The following BSN variants were observed in gnomAD, a reference collection of about 807,000 sequenced individuals.
The protein encoded by BSN is bassoon presynaptic cytomatrix protein, also known as protein bassoon.
In BSN, 57 loss-of-function variants were observed where a neutral mutation model predicts 264.8. The observed-to-expected ratio is 0.22, with a 90% confidence interval of 0.17 to 0.27. The LOEUF is 0.27. BSN is among the 10% of genes least tolerant of loss of function. The probability of loss-of-function intolerance (pLI) is 1.00; values close to 1 mark genes in which losing one functional copy is unlikely to be tolerated. For synonymous variants in BSN, 2,059 were observed against 2,137.3 expected (o/e 0.96, Z 1.01); for missense variants, 4,615 against 5,232.5 (o/e 0.88, Z 3.64).
chr3:49,658,228 CA>C (rs1284631044), intron 5 of BSN, 32 bp downstream of exon 5: 21 of 1,506,180 alleles, frequency 1.4e-5, no homozygotes, highest in Non-Finnish European at 1.8e-5. Context: ...CAGGGTGGGA[CA>C]GGGGTCTCTG....
chr3:49,635,971 C>CA (rs869076731), intron 2 of BSN, among the ~76,000 whole-genome samples: 179 of 113,402 alleles, frequency 1.6e-3, no homozygotes, highest in Middle Eastern at 4.3e-3. Context: ...TGTCCCCCTC[C>CA]AAAAAAAAAA....
At chr3:49,569,333 C>T (rs547960341) in intron 1 of BSN, among the ~76,000 whole-genome samples, 38 of 152,216 alleles carry the variant, frequency 2.5e-4, no homozygotes, top group Non-Finnish European at 4.9e-4. Flanking sequence ...TGAGGCAATA[C>T]TAGGGTTCCA....
intron 1 of BSN, among the ~76,000 whole-genome samples, chr3:49,620,464 A>C (rs548365960): frequency 6.6e-6 from 1 of 152,070 alleles, no homozygotes; most frequent in East Asian, 1.9e-4. Flanking sequence ...AAGAAAAAAA[A>C]AACAAAGAAC....
intron 1 of BSN, among the ~76,000 whole-genome samples, chr3:49,580,504 G>A (rs779870045): frequency 1.3e-5 from 2 of 150,608 alleles, no homozygotes; most frequent in Admixed American, 6.6e-5. Flanking sequence ...CGATCATGAC[G>A]CACTGCAGCC....
At position 49,652,180 on chromosome 3, in the gene BSN, A is replaced by G. The variant is rs2052548054; in HGVS notation, c.2624A>G (p.Gln875Arg). ...CGTGGCCTGGCCAAACATGGCACCCAGAAAGGTGGCCCCAGACCCAGGCCT... is the reference window on the plus strand; with the variant it reads ...CGTGGCCTGGCCAAACATGGCACCCGGAAAGGTGGCCCCAGACCCAGGCCT... ...SGRGLAKHGT[Q>R]KGGPRPRPEP... The change falls in exon 5 of 12, where the codon CAG (glutamine) becomes CGG (arginine). Residue 875 changes from glutamine (Q) to arginine (R), a missense_variant. Coordinates refer to ENST00000296452, the MANE Select transcript of BSN (RefSeq NM_003458.4). 6.2e-7 allele frequency: 1 copy of G among 1,613,934 alleles called. No individual in the cohort carries two copies. Among genetic ancestry groups the G allele is most frequent in the Non-Finnish European group, 8.5e-7 (1 of 1,179,922 alleles).
intron 2 of BSN, among the ~76,000 whole-genome samples, chr3:49,626,099 G>C (rs988092986): frequency 2.6e-5 from 4 of 152,152 alleles, no homozygotes; most frequent in Admixed American, 2.0e-4. Context: ...GAGGACTCTG[G>C]GTCCACAGCC....
In BSN at chr3:49,656,505, G is replaced by A; in HGVS notation, c.6949G>A (p.Ala2317Thr). 1 of 1,586,986 alleles carries A rather than the reference G, an allele frequency of 6.3e-7. No homozygotes were observed. Among genetic ancestry groups the A allele is most frequent in the Non-Finnish European group, 8.6e-7 (1 of 1,165,264 alleles). Residue 2317 changes from alanine to threonine, a missense_variant, in exon 5 of 12, where the codon GCT (alanine) becomes ACT (threonine). By Grantham distance (58) the Ala-to-Thr change is moderately conservative. Coordinates refer to ENST00000296452, the MANE Select transcript of BSN (RefSeq NM_003458.4). ...REEPLPTTTP[A>T]AIKEAAGAPA... is the part of the protein sequence containing the mutation. Reference sequence around the variant, plus strand: ...AGAGCCTCTTCCCACAACCACCCCTGCTGCCATCAAGGAGGCTGCAGGAGC... The same window carrying A: ...AGAGCCTCTTCCCACAACCACCCCTACTGCCATCAAGGAGGCTGCAGGAGC...
At chr3:49,577,273 A>G (rs188986813) in intron 1 of BSN, among the ~76,000 whole-genome samples, 41 of 152,270 alleles carry the variant, frequency 2.7e-4, no homozygotes, top group African/African-American at 9.4e-4. Flanking sequence ...TAGGCAATCA[A>G]ATTACAAGAG....
intron 1 of BSN, among the ~76,000 whole-genome samples, chr3:49,565,524 G>C (rs1176683944): frequency 6.6e-6 from 1 of 152,000 alleles, no homozygotes; most frequent in African/African-American, 2.4e-5. Context: ...GTTTCACCGT[G>C]TTAGCCAGGA....
chr3:49,645,309 A>G (rs1210203217), intron 3 of BSN, among the ~76,000 whole-genome samples: 4 of 152,134 alleles, frequency 2.6e-5, no homozygotes, highest in Non-Finnish European at 5.9e-5. Flanking sequence ...GCCTGCAGCT[A>G]TTCTAGGGAA....
intron 6 of BSN, 125 bp from the exon 7 acceptor site, chr3:49,662,751 T>TGGGGGGGGG: frequency 5.5e-6 from 2 of 366,514 alleles, no homozygotes; most frequent in Non-Finnish European, 1.0e-5. Context: ...GAGGGTGGGC[T>TGGGGGGGGG]GGGGGCCTGC....
At chr3:49,614,430 C>T (rs1189541923) in intron 1 of BSN, among the ~76,000 whole-genome samples, 1 of 152,156 alleles carries the variant, frequency 6.6e-6, no homozygotes, top group Non-Finnish European at 1.5e-5. Flanking sequence ...CCACATATAG[C>T]TCTTGCTATT....
rs377183354 is a variant in BSN at position 49,642,816 on chromosome 3, G to T, written c.1182G>T (p.Glu394Asp). 5.0e-6 allele frequency: 8 copies of T among 1,613,020 alleles called. No homozygotes were observed. The highest frequency in any genetic ancestry group is 1.3e-5 in the African/African-American group (1 of 74,934). Residue 394 changes from glutamate (E) to aspartate (D), a missense_variant, in exon 3 of 12, where the codon GAG becomes GAT. Physicochemically the swap from Glu to Asp is conservative, Grantham distance 45. Coordinates refer to ENST00000296452, the MANE Select transcript of BSN (RefSeq NM_003458.4). The surrounding 1 kb of genome is among the most constrained non-coding windows in gnomAD (Gnocchi z 7.0). ...TCGTCTTCAATGATGCCAGCAAGGA[G>T]GCTGGCCCAAAACCCTTGGGCTCAG... ...PKIVFNDASK[E>D]AGPKPLGSGP...
chr3:49,642,849 G>T lies in BSN; in HGVS notation c.1215G>T (p.Gly405=). The part of the protein sequence containing the change: ...AGPKPLGSGP[G]PGPAPGAKTE... The stretch of plus-strand genomic sequence containing the variant: ...CAAAACCCTTGGGCTCAGGGCCCGG[G>T]CCTGGGCCAGCACCTGGAGCCAAAA... Residue 405 remains glycine (G), a synonymous_variant, in exon 3 of 12, where the codon GGG becomes GGT. Coordinates refer to ENST00000296452, the MANE Select transcript of BSN (RefSeq NM_003458.4). This position sits in a 1 kb window ranked among gnomAD's most constrained non-coding sequence, Gnocchi z 7.0. 3 of 1,613,462 alleles carry T rather than the reference G, an allele frequency of 1.9e-6. No homozygotes were observed. The South Asian group carries it at 3.3e-5, about 18-fold the overall frequency.
intron 3 of BSN, among the ~76,000 whole-genome samples, chr3:49,643,759 C>T (rs1217893894): frequency 6.6e-6 from 1 of 152,218 alleles, no homozygotes; most frequent in Non-Finnish European, 1.5e-5. Flanking sequence ...GGGCTGGGCT[C>T]TCCTTAGAGC....
At chr3:49,588,615 A>G (rs1174413909) in intron 1 of BSN, among the ~76,000 whole-genome samples, 1 of 152,084 alleles carries the variant, frequency 6.6e-6, no homozygotes, top group African/African-American at 2.4e-5. Flanking sequence ...CAATGTTTTG[A>G]TATGCAGTGT....
In BSN at chr3:49,655,074, G is replaced by A. The variant is rs367610320; in HGVS notation, c.5518G>A (p.Glu1840Lys). The change falls in exon 5 of 12, where the codon GAG becomes AAG. Residue 1840 changes from glutamate (E) to lysine (K), a missense_variant. By Grantham distance (56) the Glu-to-Lys change is moderately conservative. Coordinates refer to ENST00000296452, the MANE Select transcript of BSN (RefSeq NM_003458.4). ...KPGPVPEPGA[E>K]PHRATPAELR... Reference sequence around the variant, plus strand: ...AGGCCCAGTGCCAGAGCCAGGTGCCGAGCCCCACCGGGCCACCCCTGCAGA... The same window carrying A: ...AGGCCCAGTGCCAGAGCCAGGTGCCAAGCCCCACCGGGCCACCCCTGCAGA... 7.8e-5 allele frequency: 125 copies of A among 1,612,860 alleles called. No individual in the cohort carries two copies. Among genetic ancestry groups the A allele is most frequent in the Non-Finnish European group, 8.7e-5 (103 of 1,180,030 alleles).
chr3:49,561,045 G>T (rs983532347), intron 1 of BSN, among the ~76,000 whole-genome samples: 1 of 152,202 alleles, frequency 6.6e-6, no homozygotes, highest in African/African-American at 2.4e-5. Flanking sequence ...GGGTTCTAAA[G>T]AGAGCTTTGC....
intron 1 of BSN, among the ~76,000 whole-genome samples, chr3:49,606,153 ATAT>A (rs1380098196): frequency 6.4e-5 from 3 of 46,912 alleles, no homozygotes. Context: ...ATATATGTAT[ATAT>A]TATATATACA....
Sources: gnomAD v4.1 joint callset for allele counts (sites outside exome capture counted in the v4.1 genomes callset) on GRCh38, gnomAD v4.1.1 for gene constraint, Gnocchi (gnomAD v3.1) non-coding constraint, MANE v1.5 for transcripts, NCBI Gene and HGNC (gene_info 2026-07-23, HGNC 2026-07-21) for gene names.